CEP128: variants seen among roughly 807,000 people sequenced by gnomAD.
CEP128 encodes centrosomal protein 128.
CEP128 carries 132 observed loss-of-function variants against 156.7 expected under a neutral mutation model. That is an observed-to-expected ratio of 0.84 (90% CI 0.73 to 0.97). The LOEUF (loss-of-function observed/expected upper bound fraction) is 0.97, where lower values mean the gene tolerates loss of function less well. Ranked by LOEUF, CEP128 falls within the 50% of genes least tolerant of loss-of-function variation. CEP128 has a pLI of 0.00. For synonymous variants in CEP128, 469 were observed against 448.9 expected (o/e 1.04, Z -0.57); for missense variants, 1,252 against 1,281.9 (o/e 0.98, Z 0.36).
At chr14:80,573,551 A>G (rs923808175) in intron 20 of CEP128, among the ~76,000 whole-genome samples, 3 of 152,212 alleles carry the variant, frequency 2.0e-5, no homozygotes, top group Non-Finnish European at 4.4e-5. Context: ...TTATACTGTC[A>G]TAAATTTGGG....
At chr14:80,594,977 TAAAC>T (rs1352053698) in intron 19 of CEP128, among the ~76,000 whole-genome samples, 2 of 152,220 alleles carry the variant, frequency 1.3e-5, no homozygotes, top group Non-Finnish European at 2.9e-5. Flanking sequence ...TTACTGGGTA[TAAAC>T]TCAAAGGATT....
chr14:80,918,026 T>A (rs920575959), intron 2 of CEP128, among the ~76,000 whole-genome samples: 7 of 152,172 alleles, frequency 4.6e-5, no homozygotes, highest in African/African-American at 1.7e-4. Context: ...GCTCTTAACT[T>A]CCTTCTGCAC....
intron 13 of CEP128, among the ~76,000 whole-genome samples, chr14:80,819,514 G>C (rs533489988): frequency 5.9e-4 from 89 of 152,120 alleles, no homozygotes; most frequent in African/African-American, 2.1e-3. Context: ...CCAAAGTGCT[G>C]GGATTACAGG....
intron 19 of CEP128, among the ~76,000 whole-genome samples, chr14:80,719,406 T>A (rs2596107): frequency 0.63 from 95,466 of 152,132 alleles, 32,115 homozygotes; most frequent in African/African-American, 0.88. Flanking sequence ...TTTCCCAGGG[T>A]ATGCTAAGAA....
At chr14:80,555,877 CT>C (rs1175769423) in intron 21 of CEP128, among the ~76,000 whole-genome samples, 2 of 151,884 alleles carry the variant, frequency 1.3e-5, no homozygotes, top group Non-Finnish European at 2.9e-5. Flanking sequence ...AATGCATTAT[CT>C]TTTTCATTCA....
At chr14:80,597,969 A>C (rs1394438577) in intron 19 of CEP128, among the ~76,000 whole-genome samples, 2 of 150,908 alleles carry the variant, frequency 1.3e-5, no homozygotes, top group African/African-American at 2.4e-5. Flanking sequence ...AAAAAAAAAA[A>C]ACAAAACCCT....
intron 19 of CEP128, among the ~76,000 whole-genome samples, chr14:80,646,367 A>G (rs1307058737): frequency 6.6e-6 from 1 of 151,664 alleles, no homozygotes; most frequent in African/African-American, 2.4e-5. Flanking sequence ...TTTTTTTTGA[A>G]AAAGCAAAGC....
At chr14:80,818,522 G>T (rs748653837) in intron 13 of CEP128, among the ~76,000 whole-genome samples, 1 of 152,170 alleles carries the variant, frequency 6.6e-6, no homozygotes, top group South Asian at 2.1e-4. Flanking sequence ...GGCCACAGAT[G>T]GCTAGACCAG....
At chr14:80,549,263 G>A (rs1890114904) in intron 21 of CEP128, among the ~76,000 whole-genome samples, 3 of 152,132 alleles carry the variant, frequency 2.0e-5, no homozygotes, top group South Asian at 2.1e-4. Flanking sequence ...TTGGCAGAAC[G>A]GGCTAGGACA....
chr14:80,937,978 C>T (rs1594870042), intron 2 of CEP128, among the ~76,000 whole-genome samples: 1 of 151,800 alleles, frequency 6.6e-6, no homozygotes, highest in South Asian at 2.1e-4. Context: ...CTCACTGCAG[C>T]CTCGACCTTC....
intron 14 of CEP128, 100 bp from the exon 15 acceptor site, chr14:80,785,645 G>GA (rs201506999): frequency 2.9e-3 from 2,200 of 754,620 alleles, no homozygotes; most frequent in Middle Eastern, 5.6e-3. Context: ...AACCCACAAG[G>GA]AAAAAAAAAA....
intron 20 of CEP128, among the ~76,000 whole-genome samples, chr14:80,560,862 C>G (rs529190917): frequency 6.6e-6 from 1 of 152,036 alleles, no homozygotes; most frequent in Non-Finnish European, 1.5e-5. Flanking sequence ...ACCTTGTGAT[C>G]GTGCAAGTTA....
At chr14:80,925,765 G>A (rs1885109394) in intron 2 of CEP128, among the ~76,000 whole-genome samples, 1 of 152,044 alleles carries the variant, frequency 6.6e-6, no homozygotes, top group African/African-American at 2.4e-5. Context: ...AAGAAGCAGT[G>A]GGCAGTAGTC....
At chr14:80,880,842 G>A (rs2556613) in intron 8 of CEP128, among the ~76,000 whole-genome samples, 60,045 of 145,394 alleles carry the variant, frequency 0.41, 12,716 homozygotes, top group South Asian at 0.52. Flanking sequence ...CAGCCTGGGC[G>A]ACAGAGCAAG....
At chr14:80,944,838 A>C (rs1003766863), upstream of CEP128, among the ~76,000 whole-genome samples, 10 of 117,012 alleles carry the variant, frequency 8.5e-5, no homozygotes, top group Non-Finnish European at 1.2e-4. Context: ...AAAAAAAAAA[A>C]AAAAAAAAAA....
At chr14:80,940,529 TACAGC>T (rs1252353436) in intron 1 of CEP128, among the ~76,000 whole-genome samples, 1 of 151,836 alleles carries the variant, frequency 6.6e-6, no homozygotes, top group African/African-American at 2.4e-5. Flanking sequence ...TTTTTTAATG[TACAGC>T]CAGGCATGGT....
intron 19 of CEP128, among the ~76,000 whole-genome samples, chr14:80,632,349 A>T (rs970404955): frequency 3.3e-5 from 5 of 149,792 alleles, no homozygotes; most frequent in Non-Finnish European, 7.4e-5. Context: ...CATGTTAGTG[A>T]GTTTATATAT....
At chr14:80,517,342 T>C (rs1888536849) in intron 23 of CEP128, among the ~76,000 whole-genome samples, 3 of 152,178 alleles carry the variant, frequency 2.0e-5, no homozygotes, top group Admixed American at 1.3e-4. Context: ...TTTTTTCTTT[T>C]GTAATATACC....
intron 19 of CEP128, among the ~76,000 whole-genome samples, chr14:80,711,837 CCTA>C (rs1364825748): frequency 4.6e-5 from 7 of 151,720 alleles, no homozygotes; most frequent in Non-Finnish European, 8.8e-5. Context: ...AATATATACA[CCTA>C]CTATGTACCT....
Sources: gnomAD v4.1 joint callset for allele counts (sites outside exome capture counted in the v4.1 genomes callset) on GRCh38, gnomAD v4.1.1 for gene constraint, MANE v1.5 for transcripts, NCBI Gene and HGNC (gene_info 2026-07-23, HGNC 2026-07-21) for gene names.